FLRT3: variants seen among roughly 807,000 people sequenced by gnomAD.
The protein encoded by FLRT3 is leucine-rich repeat transmembrane protein FLRT3.
FLRT3 carries 17 observed loss-of-function variants against 42.6 expected under a neutral mutation model. That is an observed-to-expected ratio of 0.40 (90% CI 0.27 to 0.60). The LOEUF is 0.60. Ranked by LOEUF, FLRT3 falls within the 20% of genes least tolerant of loss-of-function variation. The pLI is 0.44. For synonymous variants in FLRT3, 279 were observed against 286.4 expected, an observed-to-expected ratio of 0.97 and a Z score of 0.26; for missense variants, 635 against 789.2, an observed-to-expected ratio of 0.80 and a Z score of 2.34.
intron 1 of FLRT3, among the ~76,000 whole-genome samples, chr20:14,336,333 A>G (rs1029972818): frequency 6.6e-6 from 1 of 152,078 alleles, no homozygotes; most frequent in Non-Finnish European, 1.5e-5. Flanking sequence ...AAAAAAAATC[A>G]ATTTTTTTTC....
At chr20:14,333,469 TAAGAACGA>T (rs1041657379) in intron 1 of FLRT3, among the ~76,000 whole-genome samples, 14 of 152,248 alleles carry the variant, frequency 9.2e-5, no homozygotes, top group African/African-American at 3.1e-4. Flanking sequence ...ACAAGAGTTG[TAAGAACGA>T]GTAAGATATT....
At chr20:14,329,901 G>A (rs1226761764) in intron 1 of FLRT3, among the ~76,000 whole-genome samples, 1 of 151,980 alleles carries the variant, frequency 6.6e-6, no homozygotes, top group Non-Finnish European at 1.5e-5. Context: ...TTTCTCTTTA[G>A]GGGTGTATCT....
At chr20:14,332,278 C>A (rs2082858482) in intron 1 of FLRT3, among the ~76,000 whole-genome samples, 1 of 151,810 alleles carries the variant, frequency 6.6e-6, no homozygotes, top group South Asian at 2.1e-4. Context: ...CCCAATAAAA[C>A]ATGTAAATAG....
At chr20:14,332,869 T>C (rs1250346286) in intron 1 of FLRT3, among the ~76,000 whole-genome samples, 1 of 152,118 alleles carries the variant, frequency 6.6e-6, no homozygotes, top group Non-Finnish European at 1.5e-5. Flanking sequence ...CTTAAATTGC[T>C]GCCAAAAAAG....
At chr20:14,335,254 G>T (rs528843758) in intron 1 of FLRT3, among the ~76,000 whole-genome samples, 2 of 152,290 alleles carry the variant, frequency 1.3e-5, no homozygotes, top group East Asian at 3.9e-4. Flanking sequence ...AGGGTCTTGT[G>T]TCCCTAGGCA....
intron 2 of FLRT3, among the ~76,000 whole-genome samples, chr20:14,327,805 G>T (rs1357859485): frequency 6.6e-6 from 1 of 151,818 alleles, no homozygotes; most frequent in Non-Finnish European, 1.5e-5. Flanking sequence ...ATTTGATTTT[G>T]AAATATTAAA....
Position 14,326,489 on chromosome 20 carries a change from C to T in FLRT3, c.1018G>A (p.Val340Ile). 6.2e-7 allele frequency: 1 copy of T among 1,613,882 alleles called. No individual in the cohort carries two copies. Among genetic ancestry groups the T allele is most frequent in the Non-Finnish European group, 8.5e-7 (1 of 1,179,860 alleles). ...RGLMCQAPEKVRGMAIKDLNA... is the reference protein window; with the variant it reads ...RGLMCQAPEKIRGMAIKDLNA... ...AGATCCTTAATAGCCATCCCACGAACCTTTTCTGGGGCTTGGCACATGAGC... is the reference window on the plus strand; with the variant it reads ...AGATCCTTAATAGCCATCCCACGAATCTTTTCTGGGGCTTGGCACATGAGC... Residue 340 changes from valine (V) to isoleucine (I), a missense_variant, in exon 3 of 3, where the codon GTT becomes ATT. Transcript: ENST00000341420. This position sits in a 1 kb window ranked among gnomAD's most constrained non-coding sequence, Gnocchi z 5.5.
At position 14,332,033 on chromosome 20, in the gene FLRT3, T is replaced by C. The variant is rs530079816; in HGVS notation, c.-246-2706A>G. ...GAGGAAAACATAAATGAAGCCCTGG[T>C]AACTTAATGGAATGTTTAAAAACAT... On this transcript the variant is annotated intron_variant, in intron 1 of 2. Coordinates refer to ENST00000341420, the MANE Select transcript of FLRT3 (RefSeq NM_198391.3). Among the ~76,000 whole-genome samples, 19 of 152,254 alleles carry C rather than the reference T, an allele frequency of 1.2e-4. No homozygotes were observed. The East Asian group carries it at 3.7e-3, about 29-fold the overall frequency.
At position 14,327,688 on chromosome 20, in the gene FLRT3, G is replaced by A. The variant is rs1381592652; in HGVS notation, c.-52-130C>T. ...ATATTTTCATTTGTTTTGGGAGGGG[G>A]CATAATAGGGTTTATTGCTAGCTAA... is the stretch of plus-strand genomic sequence containing the variant. On this transcript the variant is annotated intron_variant, in intron 2 of 2. Coordinates refer to ENST00000341420, the MANE Select transcript of FLRT3 (RefSeq NM_198391.3). 6.1e-5 allele frequency: 39 copies of A among 635,198 alleles called. No homozygotes were observed. The East Asian group carries it at 9.4e-4, about 15-fold the overall frequency. The allele number at this position is 635,198 out of a possible 1,614,324, so 39.3% of individuals were successfully genotyped here. A position where few individuals can be genotyped will look rare whatever the true frequency, so the allele number is the denominator to read the frequency against.
rs1049419358 is a variant in FLRT3, at chr20:14,327,414, A to G, written c.93T>C (p.Cys31=). 43 of 1,613,546 alleles carry G rather than the reference A, an allele frequency of 2.7e-5. No homozygotes were observed. The highest frequency in any genetic ancestry group is 3.5e-5 in the Non-Finnish European group (41 of 1,179,698). Residue 31 remains cysteine, a synonymous_variant, in exon 3 of 3, where the codon TGT becomes TGC. Coordinates refer to ENST00000341420, the MANE Select transcript of FLRT3 (RefSeq NM_198391.3). ...VAPLSVMAKS[C]PSVCRCDAGF... is the part of the protein sequence containing the mutation. ...CCGCATCGCAGCGACACACAGATGG[A>G]CAGGATTTAGCCATAACTGATAGAG...
Position 14,326,457 on chromosome 20 carries a change from T to G in FLRT3, c.1050A>C (p.Ala350=), listed in dbSNP as rs750588557. The change falls in exon 3 of 3, where the codon GCA becomes GCC. Residue 350 remains alanine (A), a synonymous_variant. Coordinates refer to ENST00000341420, the MANE Select transcript of FLRT3 (RefSeq NM_198391.3). This position sits in a 1 kb window ranked among gnomAD's most constrained non-coding sequence, Gnocchi z 5.5. The part of the protein sequence containing the change: ...VRGMAIKDLN[A]ELFDCKDSGI... The stretch of plus-strand genomic sequence containing the variant: ...CACTGTCCTTACAATCAAACAGTTC[T>G]GCATTGAGATCCTTAATAGCCATCC... 1.2e-6 allele frequency: 2 copies of G among 1,613,760 alleles called. No homozygotes were observed. The highest frequency in any genetic ancestry group is 1.7e-6 in the Non-Finnish European group (2 of 1,179,860).
intron 2 of FLRT3, chr20:14,328,911 C>T (rs1054691632): frequency 1.3e-5 from 2 of 151,884 alleles, no homozygotes; most frequent in Non-Finnish European, 2.9e-5. Context: ...TTTTGTGTAG[C>T]TTAATTCCCT....
chr20:14,327,974 A>G (rs1270229357), intron 2 of FLRT3, among the ~76,000 whole-genome samples: 1 of 152,002 alleles, frequency 6.6e-6, no homozygotes, highest in Non-Finnish European at 1.5e-5. Flanking sequence ...AAAGGTAATC[A>G]TTTTACTGTT....
chr20:14,325,929 A>G lies in FLRT3; in HGVS notation c.1578T>C (p.Asn526=). 1 of 1,613,910 alleles carries G rather than the reference A, an allele frequency of 6.2e-7. No homozygotes were observed. The highest frequency in any genetic ancestry group is 8.5e-7 in the Non-Finnish European group (1 of 1,179,876). ...EQEKEPYKNP[N]LPLAAIIGGA... is the part of the protein sequence containing the mutation. Reference sequence around the variant, plus strand: ...CACCAATGATGGCAGCCAAAGGTAAATTGGGGTTTTTGTAAGGTTCTTTCT... The same window carrying G: ...CACCAATGATGGCAGCCAAAGGTAAGTTGGGGTTTTTGTAAGGTTCTTTCT... Residue 526 remains asparagine (N), a synonymous_variant, in exon 3 of 3, where the codon AAT becomes AAC. Transcript: ENST00000341420.
rs2082679852 is a variant in FLRT3 at position 14,323,047 on chromosome 20, TAAC to T, written c.*2507_*2509del. 6.6e-6 allele frequency: 1 copy of T among 152,174 alleles called. No homozygotes were observed. 9.4% of individuals were successfully genotyped at this position (152,174 alleles called of 1,614,324 possible). ...AATAATCAACATAGAAGACTTGTCT[TAAC>T]AAGTTTTGCCCCATACACCACGCAA... On this transcript the variant is annotated 3_prime_UTR_variant, in exon 3 of 3. Coordinates refer to ENST00000341420, the MANE Select transcript of FLRT3 (RefSeq NM_198391.3).
chr20:14,326,489 C>G lies in FLRT3; in HGVS notation c.1018G>C (p.Val340Leu). 6.2e-7 allele frequency: 1 copy of G among 1,613,882 alleles called. No individual in the cohort carries two copies. Among genetic ancestry groups the G allele is most frequent in the Non-Finnish European group, 8.5e-7 (1 of 1,179,860 alleles). Residue 340 changes from valine to leucine, a missense_variant, in exon 3 of 3, where the codon GTT becomes CTT. Transcript: ENST00000341420. The surrounding 1 kb of genome is among the most constrained non-coding windows in gnomAD (Gnocchi z 5.5). ...AGATCCTTAATAGCCATCCCACGAA[C>G]CTTTTCTGGGGCTTGGCACATGAGC... is the stretch of plus-strand genomic sequence containing the variant. ...RGLMCQAPEKVRGMAIKDLNA... is the reference protein window; with the variant it reads ...RGLMCQAPEKLRGMAIKDLNA...
At chr20:14,330,466 G>C (rs2082815546) in intron 1 of FLRT3, among the ~76,000 whole-genome samples, 1 of 152,026 alleles carries the variant, frequency 6.6e-6, no homozygotes, top group African/African-American at 2.4e-5. Context: ...TATAGCATCT[G>C]TTCCATAATT....
At chr20:14,331,061 A>G (rs540385030) in intron 1 of FLRT3, among the ~76,000 whole-genome samples, 79 of 152,230 alleles carry the variant, frequency 5.2e-4, no homozygotes, top group Non-Finnish European at 9.0e-4. Flanking sequence ...CCAAGAGTCA[A>G]GCATTTCTGA....
Position 14,323,733 on chromosome 20 carries a change from C to G in FLRT3, c.*1824G>C, listed in dbSNP as rs919466467. On this transcript the variant is annotated 3_prime_UTR_variant, in exon 3 of 3. Transcript: ENST00000341420. ...TGCAAGGATTTTAGGAGTTGTATGC[C>G]AGAAACAGGGACAAAGAGAAAGTGT... 6.6e-6 allele frequency: 1 copy of G among 152,008 alleles called. No individual in the cohort carries two copies. The highest frequency in any genetic ancestry group is 6.6e-5 in the Admixed American group (1 of 15,262). The allele number at this position is 152,008 out of a possible 1,614,324, so 9.4% of individuals were successfully genotyped here.
Sources: allele counts gnomAD v4.1 joint callset (sites outside exome capture counted in the v4.1 genomes callset), GRCh38; gene constraint gnomAD v4.1.1; non-coding constraint Gnocchi (gnomAD v3.1); transcripts MANE v1.5; gene names NCBI Gene and HGNC (gene_info 2026-07-23, HGNC 2026-07-21).